Variants in CTNND2 observed in about 807,000 individuals in gnomAD.
The protein encoded by CTNND2 is catenin delta 2.
CTNND2 carries 22 observed loss-of-function variants against 144.4 expected under a neutral mutation model. The ratio of observed to expected loss-of-function variants is 0.15; its 90% CI spans 0.11 to 0.22. The LOEUF (loss-of-function observed/expected upper bound fraction) is 0.22, where lower values mean the gene tolerates loss of function less well. CTNND2 is among the 10% of genes least tolerant of loss of function. The probability of loss-of-function intolerance (pLI) is 1.00; values close to 1 mark genes in which losing one functional copy is unlikely to be tolerated. For missense variants in CTNND2, 1,353 were observed against 1,618.8 expected, an observed-to-expected ratio of 0.84 and a Z score of 2.82; for synonymous variants, 751 against 695.6, an observed-to-expected ratio of 1.08 and a Z score of -1.25.
chr5:11,473,368 T>A (rs537570415), intron 3 of CTNND2, among the ~76,000 whole-genome samples: 1 of 152,300 alleles, frequency 6.6e-6, no homozygotes, highest in African/African-American at 2.4e-5. Context: ...TTGTTTATTA[T>A]AAGTATTAGG....
rs1180405712 is a variant in CTNND2, at chr5:10,973,167, C to T, written c.*286G>A. ...AATGCCTCGTCTCTCCTCCCATCAA[C>T]CACGTTCAGTATAAAGCACTTCTCG... On this transcript the variant is annotated 3_prime_UTR_variant, in exon 22 of 22. Transcript: ENST00000304623. This position sits in a 1 kb window ranked among gnomAD's most constrained non-coding sequence, Gnocchi z 5.6. The T allele has an allele frequency of 2.6e-4, 76 of 297,162 alleles. No homozygotes were observed. The East Asian group carries it at 4.6e-3, about 18-fold the overall frequency. 18.4% of individuals were successfully genotyped at this position (297,162 alleles called of 1,614,324 possible).
At chr5:11,836,958 C>T (rs1484542632) in intron 1 of CTNND2, among the ~76,000 whole-genome samples, 4 of 152,122 alleles carry the variant, frequency 2.6e-5, no homozygotes, top group African/African-American at 9.7e-5. Context: ...GAAAGGTGGT[C>T]AGCAGCAGTA....
intron 16 of CTNND2, among the ~76,000 whole-genome samples, chr5:11,069,190 T>C (rs1747957644): frequency 6.6e-6 from 1 of 152,206 alleles, no homozygotes; most frequent in Non-Finnish European, 1.5e-5. Flanking sequence ...GAGGAGGAGA[T>C]GACACTACTC....
chr5:11,812,011 A>G (rs146550824), intron 1 of CTNND2, among the ~76,000 whole-genome samples: 2 of 152,250 alleles, frequency 1.3e-5, no homozygotes, highest in African/African-American at 2.4e-5. Flanking sequence ...CCACTGTAAC[A>G]TAATAAAAAC....
At chr5:11,553,081 C>T (rs564386672) in intron 3 of CTNND2, among the ~76,000 whole-genome samples, 249 of 152,266 alleles carry the variant, frequency 1.6e-3, no homozygotes, top group African/African-American at 5.5e-3. Context: ...TGAAGAGTAT[C>T]TATTCAAAGA....
intron 9 of CTNND2, among the ~76,000 whole-genome samples, chr5:11,270,269 TATATA>T (rs1298606270): frequency 2.0e-5 from 3 of 152,026 alleles, no homozygotes; most frequent in African/African-American, 7.2e-5. Context: ...CACACACACA[TATATA>T]ATATATGTAT....
chr5:11,460,320 T>A (rs1047651619), intron 3 of CTNND2, among the ~76,000 whole-genome samples: 3 of 152,156 alleles, frequency 2.0e-5, no homozygotes, highest in African/African-American at 7.2e-5. Context: ...AGAAAGCCAA[T>A]GGGAGAAATG....
At chr5:11,592,126 T>TC in intron 2 of CTNND2, among the ~76,000 whole-genome samples, 2 of 145,902 alleles carry the variant, frequency 1.4e-5, no homozygotes, top group African/African-American at 5.3e-5. Flanking sequence ...CTTCCTTCCT[T>TC]CTTTCCTGCC....
At chr5:11,685,509 G>C (rs926567753) in intron 2 of CTNND2, among the ~76,000 whole-genome samples, 2 of 152,156 alleles carry the variant, frequency 1.3e-5, no homozygotes, top group Non-Finnish European at 1.5e-5. Context: ...TAGGGATTGG[G>C]ATATAACAAT....
intron 5 of CTNND2, among the ~76,000 whole-genome samples, chr5:11,408,260 A>G (rs1345513881): frequency 6.6e-6 from 1 of 152,158 alleles, no homozygotes; most frequent in Non-Finnish European, 1.5e-5. Context: ...CCTAACTAAT[A>G]TATATACACA....
At chr5:11,847,621 A>T (rs1440134809) in intron 1 of CTNND2, among the ~76,000 whole-genome samples, 3 of 152,112 alleles carry the variant, frequency 2.0e-5, no homozygotes, top group African/African-American at 7.2e-5. Flanking sequence ...AATAGCTAGA[A>T]GATTTTGAAT....
intron 13 of CTNND2, among the ~76,000 whole-genome samples, 170 bp from the exon 14 acceptor site, chr5:11,111,213 A>ACTT (rs1273399834): frequency 6.6e-6 from 1 of 152,182 alleles, no homozygotes; most frequent in East Asian, 1.9e-4. Flanking sequence ...AATTGGAGAA[A>ACTT]CTTAGAAAGG....
intron 3 of CTNND2, among the ~76,000 whole-genome samples, chr5:11,493,802 C>G (rs1413966144): frequency 2.0e-5 from 3 of 151,994 alleles, no homozygotes; most frequent in Non-Finnish European, 4.4e-5. Flanking sequence ...TTCAGAAGAA[C>G]ATGCTATTCT....
chr5:11,687,096 C>A (rs1039183034), intron 2 of CTNND2, among the ~76,000 whole-genome samples: 5 of 152,098 alleles, frequency 3.3e-5, no homozygotes, highest in Non-Finnish European at 5.9e-5. Flanking sequence ...TGGTTAAGTT[C>A]TTTGTCAATT....
intron 3 of CTNND2, among the ~76,000 whole-genome samples, chr5:11,444,451 G>A (rs1168493037): frequency 1.3e-5 from 2 of 152,152 alleles, no homozygotes; most frequent in East Asian, 3.8e-4. Context: ...CTAGCTCTTA[G>A]GCACTGGTGG....
chr5:11,337,265 A>C (rs1184216491), intron 9 of CTNND2, among the ~76,000 whole-genome samples: 1 of 152,216 alleles, frequency 6.6e-6, no homozygotes, highest in African/African-American at 2.4e-5. Context: ...AAGCCACTCT[A>C]ATTCTCCATG....
chr5:10,993,735 T>G (rs1055862217), intron 18 of CTNND2, among the ~76,000 whole-genome samples: 2 of 152,120 alleles, frequency 1.3e-5, no homozygotes, highest in Non-Finnish European at 2.9e-5. Flanking sequence ...CATGCACCTC[T>G]CATTCTGGCT....
intron 5 of CTNND2, among the ~76,000 whole-genome samples, chr5:11,399,514 A>G (rs541528031): frequency 1.4e-4 from 21 of 152,352 alleles, no homozygotes; most frequent in African/African-American, 4.6e-4. Flanking sequence ...TCATACAATT[A>G]TCTCCAGAAA....
intron 9 of CTNND2, among the ~76,000 whole-genome samples, chr5:11,321,072 T>C (rs148591493): frequency 0.013 from 1,998 of 152,266 alleles, 26 homozygotes; most frequent in Non-Finnish European, 0.019. Context: ...AAATAACACA[T>C]TCTAAAGACC....
Sources: gnomAD v4.1 joint callset for allele counts (sites outside exome capture counted in the v4.1 genomes callset) on GRCh38, gnomAD v4.1.1 for gene constraint, Gnocchi (gnomAD v3.1) non-coding constraint, MANE v1.5 for transcripts, NCBI Gene and HGNC (gene_info 2026-07-23, HGNC 2026-07-21) for gene names.